The following MRPS6 variants were observed in gnomAD, a reference collection of about 807,000 sequenced individuals.
MRPS6 encodes mitochondrial ribosomal protein S6, also known as small ribosomal subunit protein bS6m.
A neutral mutation model predicts 13.1 loss-of-function variants in MRPS6; 6 were observed. That is an observed-to-expected ratio of 0.46 (90% CI 0.25 to 0.91). The LOEUF (loss-of-function observed/expected upper bound fraction) is 0.91. Among genes scored for constraint, MRPS6 ranks in the 40% least tolerant of loss-of-function variants. The pLI is 0.18. For synonymous variants in MRPS6, 61 were observed against 56.5 expected (o/e 1.08, Z -0.36); for missense variants, 164 against 155.6 (o/e 1.05, Z -0.29).
At chr21:34,100,273 A>G in intron 1 of MRPS6, 1 of 1,000,152 alleles carries the variant, frequency 1.0e-6, no homozygotes, top group Non-Finnish European at 1.2e-6. Flanking sequence ...ATCTGATGAG[A>G]AGGGCATATT....
intron 1 of MRPS6, among the ~76,000 whole-genome samples, chr21:34,111,477 A>T (rs889611653): frequency 6.6e-6 from 1 of 152,172 alleles, no homozygotes; most frequent in African/African-American, 2.4e-5. Context: ...ATTTGAAGAG[A>T]AATGTTGAAG....
At chr21:34,080,667 C>T (rs1188370066) in intron 1 of MRPS6, among the ~76,000 whole-genome samples, 2 of 152,182 alleles carry the variant, frequency 1.3e-5, no homozygotes, top group African/African-American at 4.8e-5. Flanking sequence ...TCACTTTCTA[C>T]TTTGTATTAC....
At chr21:34,095,439 G>T in intron 1 of MRPS6, 1 of 1,614,052 alleles carries the variant, frequency 6.2e-7, no homozygotes, top group Non-Finnish European at 8.5e-7. Flanking sequence ...TGCAGTGGGC[G>T]CATGGGAATT....
intron 1 of MRPS6, chr21:34,098,305 C>T: frequency 1.0e-6 from 1 of 1,000,042 alleles, no homozygotes; most frequent in Non-Finnish European, 1.2e-6. Context: ...CTAGGTGGAT[C>T]CAGTTGGAAG....
At position 34,086,723 on chromosome 21, in the gene MRPS6, T is replaced by C. The variant is rs151013215; in HGVS notation, c.45+12978T>C. Among the ~76,000 whole-genome samples the C allele has an allele frequency of 7.0e-4, 106 of 152,274 alleles. No individual in the cohort carries two copies. The East Asian group carries it at 0.018, about 25-fold the overall frequency. On this transcript the variant is annotated intron_variant, in intron 1 of 2. Transcript: ENST00000399312. ...TGTTAGGATTAGATGAGCTCAAACA[T>C]GTAGTGTAAAAATAGTGGTTGGCAC... is the stretch of plus-strand genomic sequence containing the variant.
intron 1 of MRPS6, chr21:34,104,494 C>G: frequency 1.0e-6 from 1 of 996,696 alleles, no homozygotes; most frequent in South Asian, 4.7e-5. Flanking sequence ...TGTTCCTACT[C>G]TTTTATATAA....
In MRPS6 at chr21:34,096,175, A is replaced by G. The variant is rs776102083; in HGVS notation, c.45+22430A>G. On this transcript the variant is annotated intron_variant, in intron 1 of 2. Coordinates refer to ENST00000399312, the MANE Select transcript of MRPS6 (RefSeq NM_032476.4). The surrounding 1 kb of genome is among the most constrained non-coding windows in gnomAD (Gnocchi z 5.9). ...ATGATTTCCAGGATACTGTTTACTG[A>G]TGATATAGCTTGCATCAACCCAGAG... 1 of 1,614,012 alleles carries G rather than the reference A, an allele frequency of 6.2e-7. No homozygotes were observed. The highest frequency in any genetic ancestry group is 2.2e-5 in the East Asian group (1 of 44,902).
chr21:34,091,135 C>T (rs1475063420), intron 1 of MRPS6, among the ~76,000 whole-genome samples: 2 of 152,168 alleles, frequency 1.3e-5, no homozygotes, highest in Non-Finnish European at 2.9e-5. Flanking sequence ...TCAAGCTTAC[C>T]ATTGACAGAG....
At chr21:34,131,783 G>A (rs1482911833) in intron 2 of MRPS6, among the ~76,000 whole-genome samples, 4 of 152,228 alleles carry the variant, frequency 2.6e-5, no homozygotes, top group African/African-American at 9.6e-5. Flanking sequence ...GCCCAGCAGT[G>A]AGTCAGGGGT....
chr21:34,095,278 C>A (rs751887000), intron 1 of MRPS6: 1 of 1,613,958 alleles, frequency 6.2e-7, no homozygotes, highest in Admixed American at 1.7e-5. Context: ...GGTTTTTTTG[C>A]CATGTGGAAA....
intron 1 of MRPS6, chr21:34,104,081 AT>A: frequency 1.0e-6 from 1 of 999,698 alleles, no homozygotes; most frequent in Non-Finnish European, 1.2e-6. Flanking sequence ...CTTGTCTTTG[AT>A]TTTTTTTGTG....
At chr21:34,130,136 T>C (rs1980452431) in intron 2 of MRPS6, among the ~76,000 whole-genome samples, 1 of 150,904 alleles carries the variant, frequency 6.6e-6, no homozygotes, top group Non-Finnish European at 1.5e-5. Flanking sequence ...CCACCCACTG[T>C]GAGCCACTGA....
chr21:34,142,510 C>G lies in MRPS6; in HGVS notation c.288C>G (p.His96Gln). The G allele has an allele frequency of 6.2e-7, 1 of 1,613,466 alleles. No homozygotes were observed. The highest frequency in any genetic ancestry group is 8.5e-7 in the Non-Finnish European group (1 of 1,179,772). Residue 96 changes from histidine (H) to glutamine (Q), a missense_variant, in exon 3 of 3, where the codon CAC (histidine) becomes CAG (glutamine). By Grantham distance (24) the His-to-Gln change is conservative. Transcript: ENST00000399312. ...IDVIRGNIVK[H>Q]PLTQELKECE... is the part of the protein sequence containing the mutation. ...TGATTAGAGGGAATATTGTCAAACA[C>G]CCTCTGACCCAGGAACTAAAAGAAT...
chr21:34,117,053 G>C (rs1249801038), intron 1 of MRPS6, among the ~76,000 whole-genome samples: 1 of 152,152 alleles, frequency 6.6e-6, no homozygotes, highest in African/African-American at 2.4e-5. Flanking sequence ...AGAAGTAGCT[G>C]TGGAGTTAAA....
intron 1 of MRPS6, among the ~76,000 whole-genome samples, chr21:34,074,563 C>A (rs1297244999): frequency 6.6e-6 from 1 of 152,226 alleles, no homozygotes; most frequent in African/African-American, 2.4e-5. Flanking sequence ...GGCCCGCGGC[C>A]CGGAGGCAGC....
At chr21:34,136,146 T>C in intron 2 of MRPS6, 1 of 167,362 alleles carries the variant, frequency 6.0e-6, no homozygotes, top group Non-Finnish European at 1.3e-5. Flanking sequence ...GTTTTTCTTT[T>C]CTTTTTTCTT....
At chr21:34,130,038 G>T (rs758088906) in intron 2 of MRPS6, among the ~76,000 whole-genome samples, 11 of 152,200 alleles carry the variant, frequency 7.2e-5, no homozygotes, top group Non-Finnish European at 1.5e-4. Context: ...CTAGGAACTG[G>T]CATTTAGACA....
At chr21:34,122,075 G>A (rs745597373) in intron 1 of MRPS6, 1 of 152,252 alleles carries the variant, frequency 6.6e-6, no homozygotes, top group Non-Finnish European at 1.5e-5. Context: ...AGGGTACATG[G>A]ATTAAGGACC....
At chr21:34,122,767 C>T (rs1980165935) in intron 1 of MRPS6, 1 of 151,750 alleles carries the variant, frequency 6.6e-6, no homozygotes, top group African/African-American at 2.4e-5. Context: ...TTTGGATGGG[C>T]TGTTCCTTTA....
Sources: gnomAD v4.1 joint callset for allele counts (sites outside exome capture counted in the v4.1 genomes callset) on GRCh38, gnomAD v4.1.1 for gene constraint, Gnocchi (gnomAD v3.1) non-coding constraint, MANE v1.5 for transcripts, NCBI Gene and HGNC (gene_info 2026-07-23, HGNC 2026-07-21) for gene names.